The following LIPA variants were observed in gnomAD, a reference collection of about 807,000 sequenced individuals.
LIPA encodes lipase A, lysosomal acid type, also known as lysosomal acid lipase/cholesteryl ester hydrolase.
LIPA carries 26 observed loss-of-function variants against 40.6 expected under a neutral mutation model. That is an observed-to-expected ratio of 0.64 (90% confidence interval 0.47 to 0.89). The LOEUF (loss-of-function observed/expected upper bound fraction) is 0.89, where lower values mean the gene tolerates loss of function less well. LIPA is among the 40% of genes least tolerant of loss of function. LIPA has a pLI of 0.00. For missense variants in LIPA, 455 were observed against 479.6 expected (o/e 0.95, Z 0.48); for synonymous variants, 188 against 168.4 (o/e 1.12, Z -0.90).
chr10:89,267,734 A>T (rs1375699043), intron 1 of LIPA, among the ~76,000 whole-genome samples: 21 of 148,924 alleles, frequency 1.4e-4, no homozygotes, highest in Non-Finnish European at 2.7e-4. Context: ...TATAATAAAA[A>T]AAAAAAAAGA....
chr10:89,249,698 T>C (rs941896785), intron 1 of LIPA, among the ~76,000 whole-genome samples: 2 of 152,198 alleles, frequency 1.3e-5, no homozygotes, highest in African/African-American at 4.8e-5. Flanking sequence ...CTAATCTATA[T>C]TCACAGAAAG....
chr10:89,268,985 C>CAAA (rs11453669), intron 1 of LIPA, among the ~76,000 whole-genome samples: 1 of 140,012 alleles, frequency 7.1e-6, no homozygotes. Flanking sequence ...GACTCTGTCT[C>CAAA]AAAAAAAAAA....
chr10:89,305,977 T>A, intron 1 of LIPA: 4 of 1,611,540 alleles, frequency 2.5e-6, no homozygotes, highest in Non-Finnish European at 3.4e-6. Flanking sequence ...ACAATAAGAA[T>A]TCCTTGGAGA....
chr10:89,333,955 G>T (rs992090360), intron 1 of LIPA, among the ~76,000 whole-genome samples: 3 of 152,230 alleles, frequency 2.0e-5, no homozygotes, highest in African/African-American at 7.2e-5. Flanking sequence ...CTTGCTTTCT[G>T]AAGTGATGGA....
intron 1 of LIPA, among the ~76,000 whole-genome samples, chr10:89,325,025 A>C (rs182455793): frequency 6.6e-6 from 1 of 152,248 alleles, no homozygotes; most frequent in African/African-American, 2.4e-5. Flanking sequence ...CACATTGTGC[A>C]CATGTACCCA....
intron 2 of LIPA, among the ~76,000 whole-genome samples, chr10:89,407,326 G>A (rs1019304537): frequency 5.9e-5 from 9 of 152,060 alleles, no homozygotes; most frequent in African/African-American, 2.2e-4. Flanking sequence ...GGCTAGTCCC[G>A]CTTCTAAAAA....
At chr10:89,318,392 TA>T (rs1843553614) in intron 1 of LIPA, among the ~76,000 whole-genome samples, 1 of 150,594 alleles carries the variant, frequency 6.6e-6, no homozygotes, top group Non-Finnish European at 1.5e-5. Context: ...AAATGGAAAA[TA>T]AAAAAAGCAG....
intron 1 of LIPA, among the ~76,000 whole-genome samples, chr10:89,314,202 A>G (rs1564783951): frequency 6.6e-6 from 1 of 152,146 alleles, no homozygotes; most frequent in Non-Finnish European, 1.5e-5. Context: ...TATGTATTCT[A>G]TTTTCTGAGT....
At chr10:89,314,157 A>G (rs762197419) in intron 1 of LIPA, among the ~76,000 whole-genome samples, 1 of 152,018 alleles carries the variant, frequency 6.6e-6, no homozygotes, top group Admixed American at 6.5e-5. Flanking sequence ...GAATACTGTC[A>G]TTGCTTTCAC....
rs947721553 is a variant in LIPA at position 89,314,986 on chromosome 10, A to G, written c.-2+27625T>C. ...CTAAAAATCAGCTCCCTCACAATGC[A>G]CAAACATGCATGATATAATCTCCAT... On this transcript the variant is annotated intron_variant, in intron 1 of 5. Coordinates refer to the LIPA transcript ENST00000282673. Among the ~76,000 whole-genome samples the G allele has an allele frequency of 2.6e-5, 4 of 152,216 alleles. No individual in the cohort carries two copies. In the South Asian group the frequency reaches 8.3e-4, roughly 31 times the overall value.
intron 2 of LIPA, chr10:89,402,330 T>C (rs1347180679): frequency 6.2e-7 from 1 of 1,614,036 alleles, no homozygotes; most frequent in African/African-American, 1.3e-5. Context: ...GCAATTGAGA[T>C]GTCACTTTAC....
At chr10:89,306,004 A>T (rs1356504947) in intron 1 of LIPA, 2 of 1,613,904 alleles carry the variant, frequency 1.2e-6, no homozygotes, top group South Asian at 2.2e-5. Flanking sequence ...TACGGCAACT[A>T]AAATGCCATT....
chr10:89,400,263 C>T (rs1844403354), intron 2 of LIPA, among the ~76,000 whole-genome samples: 1 of 152,060 alleles, frequency 6.6e-6, no homozygotes. Flanking sequence ...ATTTGAGATC[C>T]CTTGACATTT....
rs953577092 is a variant in LIPA at position 89,230,584 on chromosome 10, G to A, written c.230-2186C>T. On this transcript the variant is annotated intron_variant, in intron 3 of 9. Transcript: ENST00000336233. Reference sequence around the variant, plus strand: ...GCTTCCCAAAGTGCGGGGTTTACAGGTGTGAGCCACCACGCCCAGCCCGAT... The same window carrying A: ...GCTTCCCAAAGTGCGGGGTTTACAGATGTGAGCCACCACGCCCAGCCCGAT... Among the ~76,000 whole-genome samples, 59 of 152,136 alleles carry A rather than the reference G, an allele frequency of 3.9e-4. 1 individual carries two copies. The highest frequency in any genetic ancestry group is 1.4e-3 in the African/African-American group (58 of 41,418).
chr10:89,403,527 A>C (rs770923139), intron 2 of LIPA: 24 of 1,613,816 alleles, frequency 1.5e-5, no homozygotes, highest in Non-Finnish European at 1.9e-5. Flanking sequence ...AAGGGATAAA[A>C]GTATCAATTC....
At chr10:89,329,264 A>G (rs1024909756) in intron 1 of LIPA, among the ~76,000 whole-genome samples, 6 of 152,208 alleles carry the variant, frequency 3.9e-5, no homozygotes, top group Non-Finnish European at 7.3e-5. Context: ...GAGATGGGTA[A>G]GAGGAATTCA....
At chr10:89,414,373 A>C (rs976477447) in intron 1 of LIPA, 2 of 171,216 alleles carry the variant, frequency 1.2e-5, no homozygotes, top group African/African-American at 2.4e-5. Flanking sequence ...AAACAAACAA[A>C]CAGTTACACG....
intron 1 of LIPA, chr10:89,307,938 T>C (rs1214712219): frequency 1.3e-5 from 2 of 153,172 alleles, no homozygotes; most frequent in East Asian, 1.9e-4. Flanking sequence ...TTCTACACAA[T>C]GTGAATTCAA....
At chr10:89,307,134 A>G (rs1417120090) in intron 1 of LIPA, 1 of 1,613,962 alleles carries the variant, frequency 6.2e-7, no homozygotes, top group African/African-American at 1.3e-5. Context: ...AAGGCCATCC[A>G]CCACTTTATA....
Sources: allele counts gnomAD v4.1 joint callset (sites outside exome capture counted in the v4.1 genomes callset), GRCh38; gene constraint gnomAD v4.1.1; transcripts MANE v1.5; gene names NCBI Gene and HGNC (gene_info 2026-07-23, HGNC 2026-07-21).